P2RY14: variants seen among roughly 807,000 people sequenced by gnomAD.
P2RY14 encodes the protein P2Y purinoceptor 14.
A neutral mutation model predicts 0.9 loss-of-function variants in P2RY14; 2 were observed. That is an observed-to-expected ratio of 2.16 (90% CI 0.88 to 6.79). The LOEUF is 6.79. Among genes scored for constraint, P2RY14 ranks in the 30% most tolerant of loss-of-function variants. P2RY14 has a pLI of 0.05. For missense variants in P2RY14, 378 were observed against 400.1 expected (o/e 0.94, Z 0.47); for synonymous variants, 158 against 147.2 (o/e 1.07, Z -0.53).
chr3:151,259,648 T>G (rs1738493323), intron 1 of P2RY14, among the ~76,000 whole-genome samples: 1 of 152,146 alleles, frequency 6.6e-6, no homozygotes, highest in Non-Finnish European at 1.5e-5. Context: ...GATAGGTAGG[T>G]TTTACTTTGT....
chr3:151,277,505 T>A (rs1037191856), intron 1 of P2RY14, among the ~76,000 whole-genome samples: 2 of 152,194 alleles, frequency 1.3e-5, no homozygotes, highest in Non-Finnish European at 2.9e-5. Flanking sequence ...TAGTGTGATC[T>A]TTGATTCATT....
At chr3:151,254,048 ATT>A (rs1303296457) in intron 1 of P2RY14, among the ~76,000 whole-genome samples, 1 of 139,064 alleles carries the variant, frequency 7.2e-6, no homozygotes, top group African/African-American at 2.7e-5. Context: ...AAAGTTATGC[ATT>A]TGTGTACTTT....
chr3:151,229,701 G>A (rs1052037975), intron 1 of P2RY14, among the ~76,000 whole-genome samples: 1 of 151,816 alleles, frequency 6.6e-6, no homozygotes, highest in African/African-American at 2.4e-5. Context: ...TCCTGACCTC[G>A]TGATCCGCCT....
At chr3:151,264,649 G>C (rs1282977714) in intron 1 of P2RY14, among the ~76,000 whole-genome samples, 1 of 152,122 alleles carries the variant, frequency 6.6e-6, no homozygotes, top group Non-Finnish European at 1.5e-5. Context: ...ATCAATGCTG[G>C]GAGCAGGAGC....
intron 1 of P2RY14, among the ~76,000 whole-genome samples, chr3:151,251,999 G>C (rs563430848): frequency 1.3e-5 from 2 of 152,196 alleles, no homozygotes; most frequent in Non-Finnish European, 2.9e-5. Flanking sequence ...TTACATAACT[G>C]TGTAATTTGT....
chr3:151,241,624 G>A (rs1734098326), intron 1 of P2RY14, among the ~76,000 whole-genome samples: 1 of 151,930 alleles, frequency 6.6e-6, no homozygotes, highest in Non-Finnish European at 1.5e-5. Context: ...ATGTGTGTGT[G>A]TATATACACA....
At position 151,214,121 on chromosome 3, in the gene P2RY14, CAAT is replaced by C. The variant is rs1340840748; in HGVS notation, c.193_195del (p.Ile65del). ...AAAGTCAGGCTCATCACAAAGTCAG[CAAT>C]AACAATGTTCTTGAGATAGATGATG... On this transcript the variant is annotated inframe_deletion, in exon 3 of 3. Coordinates refer to ENST00000309170, the MANE Select transcript of P2RY14 (RefSeq NM_014879.4). The C allele has an allele frequency of 6.2e-7, 1 of 1,614,044 alleles. No individual in the cohort carries two copies. Among genetic ancestry groups the C allele is most frequent in the Admixed American group, 1.7e-5 (1 of 60,012 alleles).
intron 1 of P2RY14, among the ~76,000 whole-genome samples, chr3:151,249,484 G>A (rs563437659): frequency 6.6e-6 from 1 of 152,100 alleles, no homozygotes; most frequent in African/African-American, 2.4e-5. Flanking sequence ...GTCTTGATTG[G>A]TGCAGGGCAA....
At chr3:151,257,391 T>A (rs2149480753) in intron 1 of P2RY14, among the ~76,000 whole-genome samples, 1 of 152,390 alleles carries the variant, frequency 6.6e-6, no homozygotes, top group East Asian at 1.9e-4. Context: ...TCTGAATGAT[T>A]AAGAGCATTG....
chr3:151,216,424 G>T (rs2149241606), intron 2 of P2RY14, among the ~76,000 whole-genome samples: 1 of 152,282 alleles, frequency 6.6e-6, no homozygotes, highest in South Asian at 2.1e-4. Flanking sequence ...TTGAAATATG[G>T]AATATGAAAT....
At chr3:151,245,122 A>G (rs571833317) in intron 1 of P2RY14, among the ~76,000 whole-genome samples, 10 of 152,244 alleles carry the variant, frequency 6.6e-5, no homozygotes, top group Non-Finnish European at 1.5e-4. Context: ...TTGTGGCAAT[A>G]ACCAATAGCT....
At chr3:151,216,340 G>A (rs947616596) in intron 2 of P2RY14, among the ~76,000 whole-genome samples, 3 of 152,130 alleles carry the variant, frequency 2.0e-5, no homozygotes, top group Admixed American at 2.0e-4. Flanking sequence ...ATCTGTATTT[G>A]TGGTGCCAGC....
intron 1 of P2RY14, among the ~76,000 whole-genome samples, chr3:151,230,504 A>G (rs1284014109): frequency 6.6e-6 from 1 of 151,210 alleles, no homozygotes; most frequent in Non-Finnish European, 1.5e-5. Context: ...TATACACTAC[A>G]CTTTGATGCT....
chr3:151,234,806 C>T (rs951457838), intron 1 of P2RY14, among the ~76,000 whole-genome samples: 4 of 152,180 alleles, frequency 2.6e-5, no homozygotes, highest in Non-Finnish European at 4.4e-5. Flanking sequence ...TGTGGACTAT[C>T]ATTAACCCTG....
chr3:151,267,587 T>A (rs1006014846), intron 1 of P2RY14, among the ~76,000 whole-genome samples: 2 of 152,182 alleles, frequency 1.3e-5, no homozygotes, highest in African/African-American at 4.8e-5. Flanking sequence ...ATTTAAAACA[T>A]TTTTTTAAAG....
In P2RY14 at chr3:151,213,617, T is replaced by A; in HGVS notation, c.700A>T (p.Asn234Tyr). Reference protein sequence around the residue: ...STSVKKKSSRNIFSIVFVFFV... With the variant: ...STSVKKKSSRYIFSIVFVFFV... ...AACACAAACACGATGCTGAATATGT[T>A]GCGGCTAGATTTCTTTTTGACCGAA... The change falls in exon 3 of 3, where the codon AAC (asparagine) becomes TAC (tyrosine). Residue 234 changes from asparagine to tyrosine, a missense_variant. Asn to Tyr is a moderately radical substitution (Grantham distance 143, BLOSUM62 -2). Transcript: ENST00000309170. 6.2e-7 allele frequency: 1 copy of A among 1,614,180 alleles called. No individual in the cohort carries two copies. Among genetic ancestry groups the A allele is most frequent in the Non-Finnish European group, 8.5e-7 (1 of 1,180,024 alleles).
intron 1 of P2RY14, among the ~76,000 whole-genome samples, chr3:151,238,895 G>C (rs537385071): frequency 1.3e-5 from 2 of 152,242 alleles, no homozygotes; most frequent in South Asian, 4.2e-4. Context: ...ATTTTTCATG[G>C]AACACCATTT....
chr3:151,247,087 G>C (rs1023901098), intron 1 of P2RY14, among the ~76,000 whole-genome samples: 2 of 152,208 alleles, frequency 1.3e-5, no homozygotes, highest in Non-Finnish European at 2.9e-5. Context: ...CAGTTAGATT[G>C]GCAATAATTA....
intron 1 of P2RY14, among the ~76,000 whole-genome samples, chr3:151,242,329 A>T (rs1734332276): frequency 6.6e-6 from 1 of 152,234 alleles, no homozygotes. Flanking sequence ...CAGGGCACAG[A>T]CAAACAAAAA....
Sources: gnomAD v4.1 joint callset for allele counts (sites outside exome capture counted in the v4.1 genomes callset) on GRCh38, gnomAD v4.1.1 for gene constraint, MANE v1.5 for transcripts, NCBI Gene and HGNC (gene_info 2026-07-23, HGNC 2026-07-21) for gene names.